Variants in RP1 observed in about 807,000 individuals in gnomAD.
RP1 encodes oxygen-regulated protein 1.
RP1 carries 16 observed loss-of-function variants against 14.8 expected under a neutral mutation model. The observed-to-expected ratio is 1.08, with a 90% CI of 0.73 to 1.65. RP1 has a LOEUF of 1.65. RP1 is among the 40% of genes most tolerant of loss of function. RP1 has a pLI of 0.00. For synonymous variants in RP1, 876 were observed against 883.6 expected, an observed-to-expected ratio of 0.99 and a Z score of 0.15; for missense variants, 2,631 against 2,535.0, an observed-to-expected ratio of 1.04 and a Z score of -0.81.
chr8:54,842,224 G>A (rs1811804635), intron 25 of RP1, among the ~76,000 whole-genome samples: 1 of 152,176 alleles, frequency 6.6e-6, no homozygotes, highest in African/African-American at 2.4e-5. Flanking sequence ...CAGATACACA[G>A]CATCTGGCGG....
At chr8:54,734,592 G>A (rs1808871766) in exon 18 of RP1, 1 of 1,535,504 alleles carries the variant, frequency 6.5e-7, no homozygotes, top group Admixed American at 2.0e-5. Context: ...GTCAGAAGAT[G>A]AATGGAAGGT....
rs148608161 is a variant in RP1, at chr8:54,642,698, C to T, written c.788-6287C>T. On this transcript the variant is annotated intron_variant, in intron 3 of 22. Coordinates refer to the RP1 transcript ENST00000636932. ...AATGTTCTTAGTACACATAGTTTGGCGTCGTTCTGAGTATATTTGTATAGT... is the reference window on the plus strand; with the variant it reads ...AATGTTCTTAGTACACATAGTTTGGTGTCGTTCTGAGTATATTTGTATAGT... Among the ~76,000 whole-genome samples the T allele has an allele frequency of 1.4e-4, 21 of 152,116 alleles. No individual in the cohort carries two copies. The East Asian group carries it at 3.5e-3, about 25-fold the overall frequency.
At chr8:54,587,576 C>A (rs1458734457) in intron 1 of RP1, among the ~76,000 whole-genome samples, 1 of 152,158 alleles carries the variant, frequency 6.6e-6, no homozygotes, top group Admixed American at 6.5e-5. Flanking sequence ...AAGGCCAAGG[C>A]AAGCATTGGA....
chr8:54,624,216 C>A (rs145849489), intron 3 of RP1, among the ~76,000 whole-genome samples: 16 of 151,710 alleles, frequency 1.1e-4, no homozygotes, highest in Non-Finnish European at 2.9e-5. Flanking sequence ...CCGAGGCGGG[C>A]GGATCATGAG....
intron 17 of RP1, among the ~76,000 whole-genome samples, chr8:54,733,607 G>A (rs890595360): frequency 6.6e-6 from 1 of 152,124 alleles, no homozygotes; most frequent in African/African-American, 2.4e-5. Context: ...GCTGCCTATA[G>A]TTTCAAGCTA....
At chr8:54,786,519 G>C (rs1426028043) in intron 24 of RP1, among the ~76,000 whole-genome samples, 2 of 151,932 alleles carry the variant, frequency 1.3e-5, no homozygotes, top group Non-Finnish European at 2.9e-5. Context: ...TGTGGAGTTG[G>C]GGAGGGTGGT....
intron 24 of RP1, among the ~76,000 whole-genome samples, chr8:54,809,922 T>C (rs542166475): frequency 6.6e-6 from 1 of 152,338 alleles, no homozygotes; most frequent in African/African-American, 2.4e-5. Flanking sequence ...GGTACCATTT[T>C]AATAAGTCAG....
chr8:54,728,459 A>G (rs1246135210), intron 17 of RP1, among the ~76,000 whole-genome samples: 1 of 152,206 alleles, frequency 6.6e-6, no homozygotes, highest in African/African-American at 2.4e-5. Flanking sequence ...ACCAAATATC[A>G]GTTCCTTAAG....
At chr8:54,720,861 G>C (rs1563357318) in intron 16 of RP1, among the ~76,000 whole-genome samples, 1 of 152,164 alleles carries the variant, frequency 6.6e-6, no homozygotes, top group African/African-American at 2.4e-5. Context: ...ATTTAAACAT[G>C]TATTTGTGTT....
intron 4 of RP1, chr8:54,652,677 TAATG>T: frequency 1.4e-6 from 1 of 731,968 alleles, no homozygotes; most frequent in Non-Finnish European, 2.4e-6. Flanking sequence ...TATGTCTTCT[TAATG>T]AATTGACCCC....
At chr8:54,605,134 G>A (rs1167911215) in intron 1 of RP1, among the ~76,000 whole-genome samples, 1 of 152,068 alleles carries the variant, frequency 6.6e-6, no homozygotes, top group African/African-American at 2.4e-5. Context: ...TGATGTTAGG[G>A]TGTCAATTTT....
chr8:54,726,303 G>A (rs1363340130), intron 16 of RP1: 6 of 1,493,522 alleles, frequency 4.0e-6, no homozygotes, highest in Non-Finnish European at 5.3e-6. Flanking sequence ...GAAGAAACAA[G>A]TGATTTTGAA....
chr8:54,593,292 C>G (rs542691599), intron 1 of RP1, among the ~76,000 whole-genome samples: 154 of 152,242 alleles, frequency 1.0e-3, no homozygotes, highest in Non-Finnish European at 1.9e-3. Flanking sequence ...CATTATAGAA[C>G]CACCATTTTA....
At chr8:54,852,946 G>A (rs113280969) in intron 26 of RP1, among the ~76,000 whole-genome samples, 1,943 of 152,256 alleles carry the variant, frequency 0.013, 49 homozygotes, top group African/African-American at 0.043. Context: ...TCCAGATAGG[G>A]CAGACTCAGC....
chr8:54,643,592 CTT>C (rs1806492024), intron 3 of RP1, among the ~76,000 whole-genome samples: 1 of 152,216 alleles, frequency 6.6e-6, no homozygotes, highest in South Asian at 2.1e-4. Context: ...AGAGTCACCT[CTT>C]GTTTGCTGGG....
chr8:54,781,256 G>A (rs974686165), intron 23 of RP1, among the ~76,000 whole-genome samples: 8 of 152,116 alleles, frequency 5.3e-5, no homozygotes, highest in African/African-American at 1.9e-4. Flanking sequence ...TCAAAACATT[G>A]TAAATATAAG....
chr8:54,868,942 C>T (rs149521462), intron 28 of RP1, among the ~76,000 whole-genome samples: 2 of 152,172 alleles, frequency 1.3e-5, no homozygotes, highest in East Asian at 1.9e-4. Context: ...GATTTCTGCA[C>T]CCATCTGTTG....
intron 22 of RP1, among the ~76,000 whole-genome samples, chr8:54,768,685 C>T (rs1356429513): frequency 1.3e-5 from 2 of 152,096 alleles, no homozygotes; most frequent in African/African-American, 2.4e-5. Context: ...GTAATTTAGT[C>T]AAAGAAAGTA....
intron 24 of RP1, among the ~76,000 whole-genome samples, chr8:54,792,767 A>C: frequency 6.6e-6 from 1 of 152,042 alleles, no homozygotes; most frequent in South Asian, 2.1e-4. Flanking sequence ...CAAGCTAACT[A>C]TACACTTCGA....
Sources: allele counts gnomAD v4.1 joint callset (sites outside exome capture counted in the v4.1 genomes callset), GRCh38; gene constraint gnomAD v4.1.1; transcripts MANE v1.5; gene names NCBI Gene and HGNC (gene_info 2026-07-23, HGNC 2026-07-21).